ATP8B4: variants seen among roughly 807,000 people sequenced by gnomAD.
The protein encoded by ATP8B4 is probable phospholipid-transporting ATPase IM.
A neutral mutation model predicts 145.6 loss-of-function variants in ATP8B4; 133 were observed. The observed-to-expected ratio is 0.91, with a 90% CI of 0.79 to 1.05. The LOEUF (loss-of-function observed/expected upper bound fraction) is 1.05, where lower values mean the gene tolerates loss of function less well. ATP8B4 is among the 50% of genes least tolerant of loss of function. ATP8B4 has a pLI of 0.00. For synonymous variants in ATP8B4, 507 were observed against 492.9 expected, an observed-to-expected ratio of 1.03 and a Z score of -0.38; for missense variants, 1,458 against 1,425.2, an observed-to-expected ratio of 1.02 and a Z score of -0.37.
At chr15:49,991,989 C>G (rs1454763155) in intron 9 of ATP8B4, among the ~76,000 whole-genome samples, 2 of 152,074 alleles carry the variant, frequency 1.3e-5, no homozygotes, top group Non-Finnish European at 2.9e-5. Context: ...GGTTTACAAC[C>G]TGGGGTTTTG....
At chr15:50,135,753 T>C (rs1240321012) in intron 1 of ATP8B4, among the ~76,000 whole-genome samples, 4 of 152,184 alleles carry the variant, frequency 2.6e-5, no homozygotes, top group Admixed American at 1.3e-4. Flanking sequence ...ACCTATGCCG[T>C]TGAAGCAGAG....
rs568785289 is a variant in ATP8B4, at chr15:49,968,483, G to GA, written c.1243+4098dup. 6.6e-3 allele frequency among the ~76,000 whole-genome samples: 1,002 copies of GA among 152,210 alleles called. 14 individuals carry two copies. Among genetic ancestry groups the GA allele is most frequent in the African/African-American group, 0.023 (952 of 41,506 alleles). ...AGCAGGGGTTGCAATCCTAGTCTCT[G>GA]AAAAAACAGACTTTAAACCAACAAA... On this transcript the variant is annotated intron_variant, in intron 13 of 27. Transcript: ENST00000284509.
intron 23 of ATP8B4, among the ~76,000 whole-genome samples, chr15:49,885,491 G>A (rs1598912277): frequency 6.6e-6 from 1 of 152,158 alleles, no homozygotes; most frequent in Non-Finnish European, 1.5e-5. Context: ...CCCAGAGCAG[G>A]ATCTAGCCAT....
At position 49,931,101 on chromosome 15, in the gene ATP8B4, C is replaced by A; in HGVS notation, c.1642+18G>T. The A allele has an allele frequency of 6.3e-7, 1 of 1,593,690 alleles. No homozygotes were observed. Among genetic ancestry groups the A allele is most frequent in the Non-Finnish European group, 8.6e-7 (1 of 1,167,928 alleles). On this transcript the variant is annotated intron_variant, in intron 16 of 27. Coordinates refer to ENST00000284509, the MANE Select transcript of ATP8B4 (RefSeq NM_024837.4). ...ACAGTATGAAAAGATCAAAAATAGT[C>A]TTAGCTACCAACCATACCTATGACA...
chr15:49,979,578 G>T (rs1410926520), intron 12 of ATP8B4, 39 bp downstream of exon 12: 1 of 1,355,614 alleles, frequency 7.4e-7, no homozygotes, highest in South Asian at 1.9e-5. Context: ...CAAAGGTTTT[G>T]ATGAAATTAT....
intron 3 of ATP8B4, among the ~76,000 whole-genome samples, chr15:50,059,285 G>A (rs1031678730): frequency 7.9e-5 from 12 of 152,080 alleles, no homozygotes; most frequent in African/African-American, 2.7e-4. Context: ...GATGCACAGC[G>A]AGTCTCCAAT....
chr15:50,177,396 T>C (rs1379676070), intron 1 of ATP8B4, among the ~76,000 whole-genome samples: 1 of 152,200 alleles, frequency 6.6e-6, no homozygotes, highest in African/African-American at 2.4e-5. Flanking sequence ...TGAATTCTAG[T>C]TACGAAGGCA....
At chr15:49,982,945 G>A (rs1057275185) in intron 10 of ATP8B4, among the ~76,000 whole-genome samples, 6 of 151,980 alleles carry the variant, frequency 3.9e-5, no homozygotes, top group Admixed American at 6.6e-5. Context: ...TCTTCCTTTA[G>A]CTTCTGTGTT....
intron 14 of ATP8B4, among the ~76,000 whole-genome samples, chr15:49,949,460 C>T (rs1222268605): frequency 6.6e-6 from 1 of 152,116 alleles, no homozygotes; most frequent in Non-Finnish European, 1.5e-5. Context: ...CATGATTTGG[C>T]TCTCTGCTTG....
chr15:50,009,061 T>C (rs2048526281), intron 7 of ATP8B4, among the ~76,000 whole-genome samples: 1 of 152,176 alleles, frequency 6.6e-6, no homozygotes, highest in Non-Finnish European at 1.5e-5. Context: ...CGTCCCTTTT[T>C]TATAAGTTAA....
chr15:49,903,171 T>A (rs1344334481), intron 20 of ATP8B4, among the ~76,000 whole-genome samples: 2 of 152,194 alleles, frequency 1.3e-5, no homozygotes, highest in Non-Finnish European at 2.9e-5. Flanking sequence ...TTGCCCACGC[T>A]CTGTAGCTGT....
At chr15:50,071,511 C>T (rs953804526) in intron 3 of ATP8B4, among the ~76,000 whole-genome samples, 18 of 152,062 alleles carry the variant, frequency 1.2e-4, no homozygotes, top group Admixed American at 4.6e-4. Flanking sequence ...GCATAATTAC[C>T]CCATAGCAGA....
At chr15:50,050,631 AC>A (rs1461982153) in intron 3 of ATP8B4, among the ~76,000 whole-genome samples, 1 of 151,774 alleles carries the variant, frequency 6.6e-6, no homozygotes, top group African/African-American at 2.4e-5. Context: ...TAAAAAAAAA[AC>A]AGGCTAAATG....
chr15:49,981,465 A>T (rs1298225431), intron 10 of ATP8B4, among the ~76,000 whole-genome samples, 171 bp from the exon 11 acceptor site: 1 of 152,190 alleles, frequency 6.6e-6, no homozygotes, highest in Non-Finnish European at 1.5e-5. Context: ...AATTAGGTTA[A>T]CAACAATCCT....
intron 13 of ATP8B4, among the ~76,000 whole-genome samples, chr15:49,970,068 G>T (rs969147048): frequency 7.2e-5 from 11 of 152,022 alleles, no homozygotes; most frequent in Non-Finnish European, 2.9e-5. Context: ...ATAAAATTCA[G>T]CACCCCTTCA....
intron 12 of ATP8B4, among the ~76,000 whole-genome samples, chr15:49,977,128 A>C (rs1177699016): frequency 6.6e-6 from 1 of 152,168 alleles, no homozygotes; most frequent in Non-Finnish European, 1.5e-5. Context: ...TTAACCATTC[A>C]AAGCAAATAC....
chr15:50,067,261 G>A (rs765130879), intron 3 of ATP8B4, among the ~76,000 whole-genome samples: 2 of 152,102 alleles, frequency 1.3e-5, no homozygotes, highest in Non-Finnish European at 1.5e-5. Context: ...TATATGGAGG[G>A]CAAATAAAAT....
At chr15:49,960,403 G>C (rs547708807) in intron 14 of ATP8B4, among the ~76,000 whole-genome samples, 2 of 152,120 alleles carry the variant, frequency 1.3e-5, no homozygotes, top group Non-Finnish European at 2.9e-5. Flanking sequence ...AATAGACCTA[G>C]TACACAAGAG....
At chr15:50,019,449 A>G (rs928771893) in intron 6 of ATP8B4, among the ~76,000 whole-genome samples, 2 of 152,224 alleles carry the variant, frequency 1.3e-5, no homozygotes, top group Admixed American at 1.3e-4. Context: ...CCTGTCTTTC[A>G]TGACATTTTT....
Sources: gnomAD v4.1 joint callset for allele counts (sites outside exome capture counted in the v4.1 genomes callset) on GRCh38, gnomAD v4.1.1 for gene constraint, MANE v1.5 for transcripts, NCBI Gene and HGNC (gene_info 2026-07-23, HGNC 2026-07-21) for gene names.